DENND6B: variants seen among roughly 807,000 people sequenced by gnomAD.
DENND6B encodes protein DENND6B.
Under a neutral mutation model 85.1 loss-of-function variants are expected in DENND6B, and 73 were observed. The ratio of observed to expected loss-of-function variants is 0.86; its 90% CI spans 0.71 to 1.04. The LOEUF is 1.04. Among genes scored for constraint, DENND6B ranks in the 50% least tolerant of loss-of-function variants. The probability of loss-of-function intolerance (pLI) is 0.00; values close to 1 mark genes in which losing one functional copy is unlikely to be tolerated. For synonymous variants in DENND6B, 357 were observed against 329.3 expected, an observed-to-expected ratio of 1.08 and a Z score of -0.91; for missense variants, 715 against 785.8, an observed-to-expected ratio of 0.91 and a Z score of 1.08.
At chr22:50,319,129 C>A in intron 1 of DENND6B, 126 bp from the exon 2 acceptor site, 1 of 1,538,228 alleles carries the variant, frequency 6.5e-7, no homozygotes, top group Non-Finnish European at 8.7e-7. Context: ...CAGGTCAGTG[C>A]CCAAGGTGCT....
Position 50,314,496 on chromosome 22 carries a change from T to C in DENND6B, c.978-2A>G, listed in dbSNP as rs1292707291. On this transcript the variant is annotated splice_acceptor_variant, in intron 11 of 19. Coordinates refer to ENST00000413817, the MANE Select transcript of DENND6B (RefSeq NM_001001794.4). LOFTEE classifies it high-confidence loss of function. ...GTGACTCCCAGGACCACGTTTGGTC[T>C]AGACAGACAGAGAGAGAGAAGAGGC... The C allele has an allele frequency of 1.3e-6, 2 of 1,557,804 alleles. No homozygotes were observed.
At chr22:50,319,227 C>CCAA (rs2041962936) in intron 1 of DENND6B, 1 of 1,465,614 alleles carries the variant, frequency 6.8e-7, no homozygotes, top group Admixed American at 2.1e-5. Context: ...TGCATCCTCC[C>CCAA]CACACCACCT....
At chr22:50,321,570 G>A (rs1202582805) in intron 1 of DENND6B, among the ~76,000 whole-genome samples, 2 of 151,856 alleles carry the variant, frequency 1.3e-5, no homozygotes, top group African/African-American at 4.8e-5. Context: ...CACCATATTG[G>A]CCAGGCTGGT....
In DENND6B at chr22:50,313,655, G is replaced by C. The variant is rs2068128033; in HGVS notation, c.1273C>G (p.Gln425Glu). ...CTCACCAGGGGGATGATGAAGCTCT[G>C]GGTGAGCTCCAGGAGGTGCCGCCGC... ...LLRRHLLELT[Q>E]SFIIPLEHYM... The change falls in exon 15 of 20, where the codon CAG becomes GAG. Residue 425 changes from glutamine (Q) to glutamate (E), a missense_variant. By Grantham distance (29) the Gln-to-Glu change is conservative (BLOSUM62 2). Coordinates refer to ENST00000413817, the MANE Select transcript of DENND6B (RefSeq NM_001001794.4). 5 of 1,592,556 alleles carry C rather than the reference G, an allele frequency of 3.1e-6. No individual in the cohort carries two copies. Among genetic ancestry groups the C allele is most frequent in the Non-Finnish European group, 3.4e-6 (4 of 1,172,588 alleles).
In DENND6B at chr22:50,326,819, G is replaced by T; in HGVS notation, c.170C>A (p.Ala57Glu). ...GCGCTCGCGCCCGCTCACCTCCAGCGCCTGGCCCAGCTCCAGGTCGAAGGT... is the reference window on the plus strand; with the variant it reads ...GCGCTCGCGCCCGCTCACCTCCAGCTCCTGGCCCAGCTCCAGGTCGAAGGT... ...VVTFDLELGQ[A>E]LELVYPNDFR... Residue 57 changes from alanine (A) to glutamate (E), a missense_variant, in exon 1 of 20, where the codon GCG becomes GAG. Coordinates refer to ENST00000413817, the MANE Select transcript of DENND6B (RefSeq NM_001001794.4). 1 of 1,418,884 alleles carries T rather than the reference G, an allele frequency of 7.0e-7. No homozygotes were observed. Among genetic ancestry groups the T allele is most frequent in the Non-Finnish European group, 9.2e-7 (1 of 1,090,436 alleles). The allele number at this position is 1,418,884 out of a possible 1,614,324, so 87.9% of individuals were successfully genotyped here.
chr22:50,318,078 T>C, intron 3 of DENND6B, 58 bp from the exon 4 acceptor site: 2 of 1,563,504 alleles, frequency 1.3e-6, no homozygotes, highest in Non-Finnish European at 1.7e-6. Flanking sequence ...CTGCAGGCCC[T>C]GGAGCTGGTG....
intron 1 of DENND6B, among the ~76,000 whole-genome samples, chr22:50,320,339 C>T (rs1479787698): frequency 6.6e-6 from 1 of 152,248 alleles, no homozygotes. Context: ...CCGCCTGAGC[C>T]TCCTGAAGTG....
Position 50,317,254 on chromosome 22 carries a change from G to A in DENND6B, c.453+39C>T, listed in dbSNP as rs752031048. Reference sequence around the variant, plus strand: ...CTCCTGCTGCCTGCCAGCTCCTGCCGCTCTTGAGGTGCCAGCCCAGAGTGG... The same window carrying A: ...CTCCTGCTGCCTGCCAGCTCCTGCCACTCTTGAGGTGCCAGCCCAGAGTGG... On this transcript the variant is annotated intron_variant, in intron 5 of 19. Coordinates refer to ENST00000413817, the MANE Select transcript of DENND6B (RefSeq NM_001001794.4). 2.2e-5 allele frequency: 35 copies of A among 1,607,962 alleles called. 1 individual carries two copies. Among genetic ancestry groups the A allele is most frequent in the South Asian group, 3.3e-5 (3 of 90,816 alleles).
rs1407068869 is a variant in DENND6B at position 50,316,203 on chromosome 22, TCAGG to T, written c.606_609del (p.Leu203ThrfsTer56). The T allele has an allele frequency of 9.3e-6, 15 of 1,612,010 alleles. No homozygotes were observed. The highest frequency in any genetic ancestry group is 1.3e-5 in the Non-Finnish European group (15 of 1,179,744). ...ACAACAACGCCCATGACAGGTAGGT[TCAGG>T]GTCTGCCCAGGTGCAGGCGCCGGCC... On this transcript the variant is annotated frameshift_variant, in exon 7 of 20. Transcript: ENST00000413817. LOFTEE classifies it high-confidence loss of function.
intron 8 of DENND6B, 38 bp downstream of exon 8, chr22:50,315,987 C>G: frequency 1.2e-6 from 2 of 1,612,164 alleles, no homozygotes; most frequent in Non-Finnish European, 1.7e-6. Flanking sequence ...TCGGGTGAAG[C>G]CCAGCTGTTT....
chr22:50,314,474 A>T lies in DENND6B; in HGVS notation c.998T>A (p.Val333Asp), dbSNP rs761650328. Residue 333 changes from valine to aspartate, a missense_variant, in exon 12 of 20, where the codon GTC becomes GAC. Physicochemically the swap from Val to Asp is radical, Grantham distance 152 (BLOSUM62 -3). Coordinates refer to ENST00000413817, the MANE Select transcript of DENND6B (RefSeq NM_001001794.4). ...TGTTTTGATAAAGAAAGGGTTTGTG[A>T]CTCCCAGGACCACGTTTGGTCTAGA... ...TQAPPNVVLG[V>D]TNPFFIKTLQ... 1 of 1,561,478 alleles carries T rather than the reference A, an allele frequency of 6.4e-7. No homozygotes were observed. Among genetic ancestry groups the T allele is most frequent in the South Asian group, 1.2e-5 (1 of 85,000 alleles).
rs1400325799 is a variant in DENND6B at position 50,314,910 on chromosome 22, G to A, written c.770C>T (p.Pro257Leu). 1.2e-6 allele frequency: 2 copies of A among 1,609,986 alleles called. No homozygotes were observed. Among genetic ancestry groups the A allele is most frequent in the Non-Finnish European group, 1.7e-6 (2 of 1,177,952 alleles). Reference sequence around the variant, plus strand: ...CAGTGTCTGCATATGAGTCAGCACAGGCCGGAAGCACCTGGGGCCGGGCAG... The same window carrying A: ...CAGTGTCTGCATATGAGTCAGCACAAGCCGGAAGCACCTGGGGCCGGGCAG... Reference protein sequence around the residue: ...HELDLFRCFRPVLTHMQTLWE... With the variant: ...HELDLFRCFRLVLTHMQTLWE... Residue 257 changes from proline to leucine, a missense_variant, in exon 10 of 20, where the codon CCT (proline) becomes CTT (leucine). Physicochemically the swap from Pro to Leu is moderately conservative, Grantham distance 98. Coordinates refer to ENST00000413817, the MANE Select transcript of DENND6B (RefSeq NM_001001794.4).
Position 50,317,385 on chromosome 22 carries a change from A to G in DENND6B, c.373-12T>C, listed in dbSNP as rs971385151. 12 of 1,612,370 alleles carry G rather than the reference A, an allele frequency of 7.4e-6. No homozygotes were observed. The African/African-American group carries it at 8.0e-5, about 11-fold the overall frequency. On this transcript the variant is annotated splice_polypyrimidine_tract_variant and intron_variant, in intron 4 of 19. Transcript: ENST00000413817. ...TGTGCCGGCTCCCTCTGCAAGGAGC[A>G]TGGTGTTAGCCAGCCACGCCCCACC...
Position 50,316,401 on chromosome 22 carries a change from G to A in DENND6B, c.528C>T (p.Tyr176=), listed in dbSNP as rs944462838. ...QALLSLIAPE[Y]FDKLAPCLEA... is the part of the protein sequence containing the mutation. ...CCAGGCAGGGCGCCAGCTTGTCAAAGTACTCGGGGGCGATGAGGCTTAGCA... is the reference window on the plus strand; with the variant it reads ...CCAGGCAGGGCGCCAGCTTGTCAAAATACTCGGGGGCGATGAGGCTTAGCA... Residue 176 remains tyrosine (Y), a synonymous_variant, in exon 6 of 20, where the codon TAC becomes TAT. Transcript: ENST00000413817. 2.5e-6 allele frequency: 4 copies of A among 1,584,576 alleles called. No homozygotes were observed. The highest frequency in any genetic ancestry group is 3.4e-6 in the Non-Finnish European group (4 of 1,167,044).
At chr22:50,312,750 C>T (rs1472710238) in intron 17 of DENND6B, 125 bp from the exon 18 acceptor site, 2 of 216,084 alleles carry the variant, frequency 9.3e-6, no homozygotes, top group East Asian at 7.9e-5. Flanking sequence ...GATTGACAGG[C>T]GGGGGGCCAT....
At chr22:50,315,571 T>TGGC in intron 9 of DENND6B, 143 bp downstream of exon 9, 3 of 994,562 alleles carry the variant, frequency 3.0e-6, no homozygotes, top group Non-Finnish European at 4.3e-6. Flanking sequence ...GCGCTGGCCA[T>TGGC]ACACACACAC....
chr22:50,322,323 C>T (rs2042070757), intron 1 of DENND6B, among the ~76,000 whole-genome samples: 1 of 152,124 alleles, frequency 6.6e-6, no homozygotes, highest in African/African-American at 2.4e-5. Context: ...ATCCACCTGC[C>T]TCGGCCTGCC....
chr22:50,322,310 G>C (rs1398388484), intron 1 of DENND6B, among the ~76,000 whole-genome samples: 1 of 152,120 alleles, frequency 6.6e-6, no homozygotes, highest in African/African-American at 2.4e-5. Flanking sequence ...TCCTGACCTT[G>C]TGATCCACCT....
intron 1 of DENND6B, among the ~76,000 whole-genome samples, chr22:50,324,199 C>T (rs1325289558): frequency 6.6e-6 from 1 of 152,172 alleles, no homozygotes; most frequent in Non-Finnish European, 1.5e-5. Flanking sequence ...ATCTCTCAAG[C>T]AGGCTGCACT....
Sources: gnomAD v4.1 joint callset for allele counts (sites outside exome capture counted in the v4.1 genomes callset) on GRCh38, gnomAD v4.1.1 for gene constraint, MANE v1.5 for transcripts, NCBI Gene and HGNC (gene_info 2026-07-23, HGNC 2026-07-21) for gene names.